Variants in APBA1 observed in about 807,000 individuals in gnomAD.
The protein encoded by APBA1 is amyloid-beta A4 precursor protein-binding family A member 1.
APBA1 carries 55 observed loss-of-function variants against 86.6 expected under a neutral mutation model. That is an observed-to-expected ratio of 0.64 (90% confidence interval 0.51 to 0.80). The LOEUF is 0.80. Ranked by LOEUF, APBA1 falls within the 30% of genes least tolerant of loss-of-function variation. APBA1 has a pLI of 0.00. For synonymous variants in APBA1, 511 were observed against 493.9 expected, an observed-to-expected ratio of 1.03 and a Z score of -0.46; for missense variants, 1,090 against 1,183.0, an observed-to-expected ratio of 0.92 and a Z score of 1.15.
At chr9:69,580,576 A>G (rs776408798) in intron 1 of APBA1, among the ~76,000 whole-genome samples, 3 of 152,166 alleles carry the variant, frequency 2.0e-5, no homozygotes, top group Non-Finnish European at 4.4e-5. Flanking sequence ...AAAGCCCTAA[A>G]TATCTCCTCA....
chr9:69,431,129 T>C lies in APBA1; in HGVS notation c.*198A>G. 2.2e-6 allele frequency: 1 copy of C among 463,626 alleles called. No individual in the cohort carries two copies. Among genetic ancestry groups the C allele is most frequent in the South Asian group, 3.3e-5 (1 of 30,384 alleles). 28.7% of individuals were successfully genotyped at this position (463,626 alleles called of 1,614,324 possible). On this transcript the variant is annotated 3_prime_UTR_variant, in exon 13 of 13. Transcript: ENST00000265381. ...ATCCTCAAGGGAGTGCATACGAAAC[T>C]TCCCTGGTATTGAAAAAAAAAAAAA...
chr9:69,546,834 C>T lies in APBA1; in HGVS notation c.-69-29555G>A, dbSNP rs920428620. On this transcript the variant is annotated intron_variant, in intron 1 of 12. Transcript: ENST00000265381. ...CTGAAGCTCTTTGTGCCTCAGTTTC[C>T]TGAAGTGTCAATGAAGGCAATGCTG... is the stretch of plus-strand genomic sequence containing the variant. Among the ~76,000 whole-genome samples the T allele has an allele frequency of 2.6e-5, 4 of 152,266 alleles. No homozygotes were observed. In the South Asian group the frequency reaches 8.3e-4, roughly 32 times the overall value.
intron 2 of APBA1, among the ~76,000 whole-genome samples, chr9:69,485,832 G>T (rs1835599732): frequency 6.6e-6 from 1 of 152,112 alleles, no homozygotes; most frequent in African/African-American, 2.4e-5. Context: ...AAAGCTTTCA[G>T]CCTCAAGACC....
chr9:69,657,278 G>A (rs1823631826), intron 1 of APBA1, among the ~76,000 whole-genome samples: 1 of 152,200 alleles, frequency 6.6e-6, no homozygotes, highest in African/African-American at 2.4e-5. Flanking sequence ...ATTGAGTCCA[G>A]CCCATTCAAT....
intron 1 of APBA1, among the ~76,000 whole-genome samples, chr9:69,616,436 G>A (rs1344044591): frequency 2.0e-5 from 3 of 152,084 alleles, no homozygotes; most frequent in East Asian, 1.9e-4. Flanking sequence ...CTAGGTTCAC[G>A]GCTCAAAACC....
Position 69,517,281 on chromosome 9 carries a change from TG to T in APBA1, c.-69-3del, listed in dbSNP as rs112238328. 10 of 1,405,602 alleles carry T rather than the reference TG, an allele frequency of 7.1e-6. No individual in the cohort carries two copies. The highest frequency in any genetic ancestry group is 1.5e-5 in the African/African-American group (1 of 66,376). The allele number at this position is 1,405,602 out of a possible 1,614,324, so 87.1% of individuals were successfully genotyped here. ...GCGCTCTCATTTTGCTCCACTGGGC[TG>T]GAAAAACAAGAAGGGGAGAGGCTGT... On this transcript the variant is annotated splice_region_variant and splice_polypyrimidine_tract_variant and intron_variant, in intron 1 of 12. Transcript: ENST00000265381.
At chr9:69,455,909 A>G (rs1032500221) in intron 8 of APBA1, among the ~76,000 whole-genome samples, 8 of 152,104 alleles carry the variant, frequency 5.3e-5, no homozygotes, top group African/African-American at 1.9e-4. Context: ...CTCTGCTCCA[A>G]GGTCACCTCC....
At chr9:69,654,350 G>T (rs549647192) in intron 1 of APBA1, among the ~76,000 whole-genome samples, 3 of 151,680 alleles carry the variant, frequency 2.0e-5, no homozygotes, top group Non-Finnish European at 2.9e-5. Flanking sequence ...CTGTAATCCC[G>T]ACACTTTGGG....
intron 1 of APBA1, among the ~76,000 whole-genome samples, chr9:69,626,238 C>T (rs1443351714): frequency 1.3e-5 from 2 of 152,108 alleles, no homozygotes; most frequent in Non-Finnish European, 2.9e-5. Context: ...AAGCATGGAC[C>T]AAAAAGTAAA....
At chr9:69,566,015 C>T (rs1837021453) in intron 1 of APBA1, among the ~76,000 whole-genome samples, 1 of 152,216 alleles carries the variant, frequency 6.6e-6, no homozygotes, top group African/African-American at 2.4e-5. Flanking sequence ...ACCACGTTCC[C>T]ACCCCTATTC....
intron 1 of APBA1, among the ~76,000 whole-genome samples, chr9:69,665,019 C>A (rs1338061431): frequency 6.6e-6 from 1 of 152,230 alleles, no homozygotes; most frequent in Non-Finnish European, 1.5e-5. Context: ...TCTCCAAATA[C>A]ACTGACAGTT....
chr9:69,471,572 T>C lies in APBA1; in HGVS notation c.1336+84A>G, dbSNP rs550904281. 11 of 1,131,356 alleles carry C rather than the reference T, an allele frequency of 9.7e-6. No individual in the cohort carries two copies. The East Asian group carries it at 1.9e-4, about 19-fold the overall frequency. 70.1% of individuals were successfully genotyped at this position (1,131,356 alleles called of 1,614,324 possible). A position where few individuals can be genotyped will look rare whatever the true frequency, so the allele number is the denominator to read the frequency against. On this transcript the variant is annotated intron_variant, in intron 4 of 12. Coordinates refer to ENST00000265381, the MANE Select transcript of APBA1 (RefSeq NM_001163.4). ...TTGTGGCCTTTCTTCCCTTCCATTG[T>C]CTTATATCTCAGTGCTTCATATGCC...
rs1836177036 is a variant in APBA1 at position 69,517,128 on chromosome 9, T to C, written c.83A>G (p.Asp28Gly). ...CTCTTCCACCTCGGGGTGCTCCAGG[T>C]CGGCCTCCACCGACTCGTTCACCTC... ...GGEVNESVEA[D>G]LEHPEVEEEQ... Residue 28 changes from aspartate (D) to glycine (G), a missense_variant, in exon 2 of 13, where the codon GAC (aspartate) becomes GGC (glycine). Around this residue, in one of 6 missense-constraint regions of APBA1, gnomAD observed 678 missense variants for 647.1 expected, o/e 1.05. Transcript: ENST00000265381. 1 of 1,571,394 alleles carries C rather than the reference T, an allele frequency of 6.4e-7. No individual in the cohort carries two copies. The highest frequency in any genetic ancestry group is 8.6e-7 in the Non-Finnish European group (1 of 1,160,738).
chr9:69,560,157 C>T (rs1344871523), intron 1 of APBA1, among the ~76,000 whole-genome samples: 1 of 152,212 alleles, frequency 6.6e-6, no homozygotes, highest in Non-Finnish European at 1.5e-5. Context: ...AAACAGCTGC[C>T]AAGGCCATGC....
At chr9:69,607,325 G>A (rs551586776) in intron 1 of APBA1, among the ~76,000 whole-genome samples, 12 of 152,258 alleles carry the variant, frequency 7.9e-5, no homozygotes, top group Middle Eastern at 3.4e-3. Flanking sequence ...TTATCAAACC[G>A]TCAGATCTTG....
At chr9:69,481,137 G>C (rs1471318365) in intron 2 of APBA1, among the ~76,000 whole-genome samples, 1 of 151,322 alleles carries the variant, frequency 6.6e-6, no homozygotes, top group African/African-American at 2.4e-5. Flanking sequence ...AATTAGGCAG[G>C]AGAAGGAAAT....
intron 1 of APBA1, among the ~76,000 whole-genome samples, chr9:69,579,065 TTAAGA>T (rs1178853546): frequency 1.3e-5 from 2 of 152,132 alleles, no homozygotes; most frequent in African/African-American, 4.8e-5. Flanking sequence ...AGTTTTTTTT[TTAAGA>T]TAAGTGAGTA....
At chr9:69,667,440 T>C (rs1467282625) in intron 1 of APBA1, among the ~76,000 whole-genome samples, 1 of 151,950 alleles carries the variant, frequency 6.6e-6, no homozygotes, top group East Asian at 1.9e-4. Flanking sequence ...CACAAGTCTT[T>C]GTCATTCTAC....
At chr9:69,512,858 T>G (rs955578317) in intron 2 of APBA1, among the ~76,000 whole-genome samples, 2 of 152,146 alleles carry the variant, frequency 1.3e-5, no homozygotes, top group Non-Finnish European at 1.5e-5. Context: ...CAGACAGACT[T>G]CAGATCACAT....
Sources: gnomAD v4.1 joint callset for allele counts (sites outside exome capture counted in the v4.1 genomes callset) on GRCh38, gnomAD v4.1.1 for gene constraint, gnomAD v4.1.1 regional missense constraint, MANE v1.5 for transcripts, NCBI Gene and HGNC (gene_info 2026-07-23, HGNC 2026-07-21) for gene names.